The following GRM8 variants were observed in gnomAD, a reference collection of about 807,000 sequenced individuals.
GRM8 encodes metabotropic glutamate receptor 8.
A neutral mutation model predicts 87.2 loss-of-function variants in GRM8; 47 were observed. The observed-to-expected ratio is 0.54, with a 90% CI of 0.43 to 0.69. The LOEUF is 0.69. Ranked by LOEUF, GRM8 falls within the 30% of genes least tolerant of loss-of-function variation. The probability of loss-of-function intolerance (pLI) is 0.00; values close to 1 mark genes in which losing one functional copy is unlikely to be tolerated. For synonymous variants in GRM8, 396 were observed against 404.5 expected, an observed-to-expected ratio of 0.98 and a Z score of 0.25; for missense variants, 1,019 against 1,139.2, an observed-to-expected ratio of 0.89 and a Z score of 1.52.
intron 6 of GRM8, among the ~76,000 whole-genome samples, chr7:126,836,252 T>C (rs907698348): frequency 6.6e-6 from 1 of 152,188 alleles, no homozygotes; most frequent in Non-Finnish European, 1.5e-5. Context: ...ACAGATCAAA[T>C]ACTCATTTAC....
chr7:126,466,703 G>A (rs1490506161), intron 9 of GRM8, among the ~76,000 whole-genome samples: 1 of 151,876 alleles, frequency 6.6e-6, no homozygotes, highest in Admixed American at 6.6e-5. Context: ...AGCTCAAGAA[G>A]AGAGACGGAA....
intron 9 of GRM8, among the ~76,000 whole-genome samples, chr7:126,517,335 A>T (rs1003472331): frequency 6.6e-6 from 1 of 152,228 alleles, no homozygotes; most frequent in East Asian, 1.9e-4. Flanking sequence ...TTACCAACAA[A>T]CGAGTAAGAA....
At chr7:127,225,635 A>C (rs1797275255) in intron 2 of GRM8, among the ~76,000 whole-genome samples, 1 of 149,908 alleles carries the variant, frequency 6.7e-6, no homozygotes, top group African/African-American at 2.4e-5. Context: ...AACTCTACCT[A>C]TAGATAGATA....
intron 3 of GRM8, among the ~76,000 whole-genome samples, chr7:127,007,778 T>C (rs1404865652): frequency 6.6e-6 from 1 of 152,014 alleles, no homozygotes; most frequent in East Asian, 1.9e-4. Flanking sequence ...ACTTAAGAAC[T>C]CCAACAGAAT....
intron 3 of GRM8, among the ~76,000 whole-genome samples, chr7:126,990,916 T>C (rs1330964386): frequency 6.6e-6 from 1 of 152,194 alleles, no homozygotes; most frequent in Non-Finnish European, 1.5e-5. Context: ...ATTAAACATT[T>C]AGGGTGTTAG....
At chr7:126,637,411 T>C (rs1281303646) in intron 7 of GRM8, among the ~76,000 whole-genome samples, 1 of 152,002 alleles carries the variant, frequency 6.6e-6, no homozygotes, top group African/African-American at 2.4e-5. Flanking sequence ...GCACTTCACA[T>C]CACGAAACTC....
chr7:126,589,475 G>T (rs545670306), intron 8 of GRM8, among the ~76,000 whole-genome samples: 1 of 152,210 alleles, frequency 6.6e-6, no homozygotes, highest in African/African-American at 2.4e-5. Flanking sequence ...AGCAAGCCCT[G>T]CCCAAGGAGA....
chr7:126,506,418 G>T (rs1810472241), intron 9 of GRM8, among the ~76,000 whole-genome samples: 1 of 151,960 alleles, frequency 6.6e-6, no homozygotes. Context: ...TGCCTATTCT[G>T]ACTGCAAACT....
At chr7:127,015,072 A>AAAGAAAGAAAGAAGGAG (rs1815390493) in intron 3 of GRM8, among the ~76,000 whole-genome samples, 2 of 103,796 alleles carry the variant, frequency 1.9e-5, no homozygotes, top group Non-Finnish European at 4.7e-5. Flanking sequence ...AAGAAGAAAG[A>AAAGAAAGAAAGAAGGAG]AAGAAGGAGA....
chr7:126,537,924 T>C (rs1816029763), intron 8 of GRM8, among the ~76,000 whole-genome samples: 1 of 152,348 alleles, frequency 6.6e-6, no homozygotes, highest in Non-Finnish European at 1.5e-5. Context: ...ATTATAAGTA[T>C]AAAGAGATGC....
At chr7:126,507,569 C>CA (rs1810671023) in intron 9 of GRM8, among the ~76,000 whole-genome samples, 1 of 151,880 alleles carries the variant, frequency 6.6e-6, no homozygotes, top group Admixed American at 6.6e-5. Context: ...TGCCAAATTG[C>CA]AAAAAGTAGA....
At chr7:126,864,051 T>TG (rs1281103764) in intron 6 of GRM8, among the ~76,000 whole-genome samples, 1 of 149,094 alleles carries the variant, frequency 6.7e-6, no homozygotes. Context: ...TTTTTTTTTT[T>TG]GTAGAGACAA....
intron 3 of GRM8, among the ~76,000 whole-genome samples, chr7:127,080,461 C>A (rs1822734812): frequency 6.6e-6 from 1 of 152,140 alleles, no homozygotes; most frequent in Admixed American, 6.5e-5. Context: ...TAGCACATCC[C>A]CCATCCCCAA....
chr7:126,506,064 C>T (rs1810419390), intron 9 of GRM8, among the ~76,000 whole-genome samples: 1 of 152,040 alleles, frequency 6.6e-6, no homozygotes, highest in Non-Finnish European at 1.5e-5. Flanking sequence ...ATTTTCTATT[C>T]CACATATAAG....
intron 6 of GRM8, among the ~76,000 whole-genome samples, chr7:126,790,523 T>C (rs1278061299): frequency 1.3e-5 from 2 of 152,206 alleles, no homozygotes; most frequent in African/African-American, 2.4e-5. Flanking sequence ...AATTTTGTTT[T>C]GTATTTGTAA....
intron 3 of GRM8, among the ~76,000 whole-genome samples, chr7:127,009,178 A>G (rs1048242086): frequency 1.3e-5 from 2 of 152,104 alleles, no homozygotes; most frequent in African/African-American, 4.8e-5. Flanking sequence ...TAAGAAATCA[A>G]TTCTTTCAGC....
In GRM8 at chr7:127,242,676, A is replaced by G. The variant is rs1295883770; in HGVS notation, c.510+19T>C. 1 of 1,601,912 alleles carries G rather than the reference A, an allele frequency of 6.2e-7. No individual in the cohort carries two copies. Among genetic ancestry groups the G allele is most frequent in the African/African-American group, 1.3e-5 (1 of 74,358 alleles). On this transcript the variant is annotated intron_variant, in intron 2 of 10. Transcript: ENST00000339582. Reference sequence around the variant, plus strand: ...CATTGTTCTTTCACAATGGTCAGAAAGACAATGCCTTTACCTACCTTAAAA... The same window carrying G: ...CATTGTTCTTTCACAATGGTCAGAAGGACAATGCCTTTACCTACCTTAAAA...
chr7:127,044,671 G>A (rs542837912), intron 3 of GRM8, among the ~76,000 whole-genome samples: 2 of 152,050 alleles, frequency 1.3e-5, no homozygotes, highest in Non-Finnish European at 2.9e-5. Flanking sequence ...GGACTGTCCA[G>A]CCAGGGATGG....
chr7:126,925,536 A>C (rs1805005548), intron 3 of GRM8, among the ~76,000 whole-genome samples: 1 of 152,134 alleles, frequency 6.6e-6, no homozygotes, highest in South Asian at 2.1e-4. Flanking sequence ...CATAAAGAAA[A>C]ATTTCTAAAA....
Sources: gnomAD v4.1 joint callset for allele counts (sites outside exome capture counted in the v4.1 genomes callset) on GRCh38, gnomAD v4.1.1 for gene constraint, MANE v1.5 for transcripts, NCBI Gene and HGNC (gene_info 2026-07-23, HGNC 2026-07-21) for gene names.